The following NBPF8 variants were observed in gnomAD, a reference collection of about 807,000 sequenced individuals.
NBPF8 encodes NBPF family member NBPF8.
At chr1:120,435,783 G>T (rs1284500757), upstream of NBPF8, among the ~76,000 whole-genome samples, 2 of 151,558 alleles carry the variant, frequency 1.3e-5, no homozygotes, top group Non-Finnish European at 2.9e-5. Flanking sequence ...GGAGAATAGC[G>T]TGAACCTGGG....
upstream of NBPF8, among the ~76,000 whole-genome samples, chr1:120,435,669 C>T (rs1207925218): frequency 1.3e-5 from 2 of 150,248 alleles, no homozygotes; most frequent in South Asian, 2.1e-4. Flanking sequence ...AGTGAAACCC[C>T]GTCTCTACTA....
At chr1:120,425,553 A>G (rs1157264908) in intron 1 of NBPF8, among the ~76,000 whole-genome samples, 1 of 152,166 alleles carries the variant, frequency 6.6e-6, no homozygotes, top group Non-Finnish European at 1.5e-5. Context: ...AATAAATACT[A>G]AGGGAACTCA....
exon 25 of NBPF8, chr1:120,466,154 G>C: frequency 1.2e-6 from 2 of 1,610,084 alleles, no homozygotes; most frequent in South Asian, 2.2e-5. Context: ...ATGGACAATA[G>C]GTTCTTTACT....
At chr1:120,452,605 T>A (rs1209041651) in intron 13 of NBPF8, among the ~76,000 whole-genome samples, 9 of 152,226 alleles carry the variant, frequency 5.9e-5, no homozygotes, top group Non-Finnish European at 1.2e-4. Flanking sequence ...GGAAGGAGGC[T>A]GCGATGGGAG....
upstream of NBPF8, among the ~76,000 whole-genome samples, chr1:120,419,418 C>T (rs1408781014): frequency 3.9e-5 from 6 of 152,022 alleles, no homozygotes; most frequent in African/African-American, 1.5e-4. Context: ...AATTCTTGTT[C>T]ACTAAGATCT....
At chr1:120,431,831 C>A (rs1336829550), upstream of NBPF8, among the ~76,000 whole-genome samples, 1 of 149,898 alleles carries the variant, frequency 6.7e-6, no homozygotes, top group Non-Finnish European at 1.5e-5. Flanking sequence ...ACCTGAGGGG[C>A]GGGCTGCTAT....
upstream of NBPF8, among the ~76,000 whole-genome samples, chr1:120,418,939 T>G (rs1660498838): frequency 6.6e-6 from 1 of 151,844 alleles, no homozygotes; most frequent in Non-Finnish European, 1.5e-5. Flanking sequence ...TATTCATTGT[T>G]GTTATTATGA....
chr1:120,449,528 G>A (rs1556606420), intron 11 of NBPF8, 126 bp downstream of exon 9: 5 of 862,562 alleles, frequency 5.8e-6, no homozygotes, highest in Middle Eastern at 3.4e-4. Context: ...AACAGAAATG[G>A]GTATTTTAAC....
chr1:120,464,793 C>T (rs1661699186), intron 23 of NBPF8, among the ~76,000 whole-genome samples: 1 of 147,290 alleles, frequency 6.8e-6, no homozygotes, highest in African/African-American at 2.5e-5. Flanking sequence ...ACTCTCATGA[C>T]ATTGGACCTG....
upstream of NBPF8, among the ~76,000 whole-genome samples, chr1:120,419,654 G>T (rs1438396581): frequency 2.7e-4 from 40 of 147,610 alleles, no homozygotes; most frequent in Non-Finnish European, 4.6e-4. Context: ...CAGAGATGGG[G>T]TCTTACTATG....
intron 17 of NBPF8, 137 bp downstream of exon 15, chr1:120,459,667 C>A: frequency 8.1e-6 from 7 of 864,618 alleles, no homozygotes; most frequent in South Asian, 1.3e-5. Flanking sequence ...ATGTAGATTT[C>A]AATCACTCTG....
At chr1:120,450,213 C>G (rs1181447565) in intron 11 of NBPF8, among the ~76,000 whole-genome samples, 7 of 151,648 alleles carry the variant, frequency 4.6e-5, no homozygotes, top group Non-Finnish European at 1.0e-4. Context: ...GGCGACAGGG[C>G]AAGACTGTTA....
intron 3 of NBPF8, among the ~76,000 whole-genome samples, chr1:120,429,229 T>C (rs1369767387): frequency 4.6e-5 from 7 of 151,838 alleles, no homozygotes; most frequent in African/African-American, 1.7e-4. Context: ...TGGCAATAGC[T>C]GCATCTGTCT....
intron 19 of NBPF8, among the ~76,000 whole-genome samples, chr1:120,461,917 T>C (rs1661602024): frequency 9.5e-6 from 1 of 105,236 alleles, no homozygotes; most frequent in Non-Finnish European, 1.9e-5. Context: ...GGACAAATGA[T>C]ATTGGGACAA....
At chr1:120,422,942 G>A (rs1238046562) in intron 1 of NBPF8, among the ~76,000 whole-genome samples, 5 of 86,688 alleles carry the variant, frequency 5.8e-5, no homozygotes, top group Admixed American at 2.3e-4. Context: ...TATTAATGAG[G>A]TGTTCAGATC....
At chr1:120,436,252 C>A (rs1374519526), upstream of NBPF8, 3 of 650,298 alleles carry the variant, frequency 4.6e-6, no homozygotes, top group Non-Finnish European at 7.9e-6. Context: ...GGCACGCTGG[C>A]CACAATCTAC....
chr1:120,454,424 T>C (rs1391815995), intron 15 of NBPF8, among the ~76,000 whole-genome samples: 2 of 151,960 alleles, frequency 1.3e-5, no homozygotes, highest in South Asian at 4.2e-4. Flanking sequence ...GATTAAGTCA[T>C]CTGTCCCTGA....
At chr1:120,450,700 A>G (rs1176524463) in intron 11 of NBPF8, among the ~76,000 whole-genome samples, 1 of 152,200 alleles carries the variant, frequency 6.6e-6, no homozygotes, top group African/African-American at 2.4e-5. Flanking sequence ...TCATAACTGA[A>G]GATATGATTT....
rs1288271289 is a variant in NBPF8 at position 120,460,670 on chromosome 1, G to C, written n.2836+46G>C. ...ACAGTTAATTTGATGTTGACACCTG[G>C]AGATGCCAAGTCCAGGGAAAACAGT... is the stretch of plus-strand genomic sequence containing the variant. On this transcript the variant is annotated intron_variant and non_coding_transcript_variant, in intron 18 of 24. Transcript: ENST00000583271. The C allele has an allele frequency of 7.8e-5, 67 of 861,698 alleles. No homozygotes were observed. In the African/African-American group the frequency reaches 9.9e-4, roughly 13 times the overall value. The allele number at this position is 861,698 out of a possible 1,614,324, so 53.4% of individuals were successfully genotyped here.
Sources: allele counts gnomAD v4.1 joint callset (sites outside exome capture counted in the v4.1 genomes callset), GRCh38; gene constraint gnomAD v4.1.1; transcripts MANE v1.5; gene names NCBI Gene and HGNC (gene_info 2026-07-23, HGNC 2026-07-21).